The following GPC3 variants were observed in gnomAD, a reference collection of about 807,000 sequenced individuals.
GPC3 encodes the protein glypican 3.
Under a neutral mutation model 34.4 loss-of-function variants are expected in GPC3, and 3 were observed. That is an observed-to-expected ratio of 0.09 (90% CI 0.04 to 0.23). The LOEUF is 0.23. Ranked by LOEUF, GPC3 falls within the 10% of genes least tolerant of loss-of-function variation. GPC3 has a pLI of 1.00. For missense variants in GPC3, 351 were observed against 445.6 expected, an observed-to-expected ratio of 0.79 and a Z score of 1.91; for synonymous variants, 177 against 174.0, an observed-to-expected ratio of 1.02 and a Z score of -0.13.
chrX:133,622,038 C>T (rs550844985), intron 6 of GPC3, among the ~76,000 whole-genome samples: 1 of 112,152 alleles, frequency 8.9e-6, no homozygotes, highest in East Asian at 2.8e-4. Flanking sequence ...CCCAGGCAAA[C>T]AGGGTCTGGA....
At chrX:133,854,434 G>A (rs1402565520) in intron 2 of GPC3, among the ~76,000 whole-genome samples, 1 of 111,747 alleles carries the variant, frequency 8.9e-6, no homozygotes, top group Non-Finnish European at 1.9e-5. Flanking sequence ...CAATAGGCTG[G>A]GGGTTATGGG....
In GPC3 at chrX:133,560,176, C is replaced by T. The variant is rs772403379; in HGVS notation, c.1574-23883G>A. ...TATTCTGTGTATCAGAGCATAGGCA[C>T]GGTGGGGTGTAGCTGCTCTTCAAAT... On this transcript the variant is annotated intron_variant, in intron 7 of 7. Coordinates refer to ENST00000370818, the MANE Select transcript of GPC3 (RefSeq NM_004484.4). Among the ~76,000 whole-genome samples, 41 of 111,616 alleles carry T rather than the reference C, an allele frequency of 3.7e-4. No homozygotes were observed. In the South Asian group the frequency reaches 5.3e-3, roughly 14 times the overall value.
chrX:133,720,396 T>C (rs2071352242), intron 3 of GPC3, among the ~76,000 whole-genome samples: 1 of 111,755 alleles, frequency 8.9e-6, no homozygotes, highest in African/African-American at 3.3e-5. Context: ...TCCCATGCTG[T>C]TCTCCTGATA....
chrX:133,716,454 T>A (rs1251864602), intron 3 of GPC3, among the ~76,000 whole-genome samples: 3 of 111,943 alleles, frequency 2.7e-5, no homozygotes, highest in Non-Finnish European at 3.8e-5. Flanking sequence ...GATGCCTTGA[T>A]AGGCAAAAAG....
intron 2 of GPC3, among the ~76,000 whole-genome samples, chrX:133,837,170 A>C (rs1200019799): frequency 9.0e-6 from 1 of 111,691 alleles, no homozygotes; most frequent in Non-Finnish European, 1.9e-5. Context: ...GTGAGTGAGC[A>C]GACATCATGT....
intron 2 of GPC3, among the ~76,000 whole-genome samples, chrX:133,870,029 A>G (rs1009284060): frequency 8.0e-5 from 9 of 112,246 alleles, no homozygotes; most frequent in East Asian, 2.8e-4. Flanking sequence ...TATGGCTTCA[A>G]TGAATTCTCA....
chrX:133,960,278 G>A (rs2076436125), intron 1 of GPC3, among the ~76,000 whole-genome samples: 2 of 109,913 alleles, frequency 1.8e-5, no homozygotes, highest in African/African-American at 6.6e-5. Context: ...TGACTCCTAG[G>A]CAGTAATGGA....
intron 1 of GPC3, among the ~76,000 whole-genome samples, chrX:133,965,471 G>A (rs2076459466): frequency 9.0e-6 from 1 of 110,982 alleles, no homozygotes; most frequent in Admixed American, 9.6e-5. Context: ...TGAGGATGGA[G>A]GCAGAGATTG....
chrX:133,700,616 C>T (rs893316988), intron 3 of GPC3, among the ~76,000 whole-genome samples: 1 of 111,589 alleles, frequency 9.0e-6, no homozygotes, highest in Non-Finnish European at 1.9e-5. Context: ...GCAGCTCACA[C>T]CTGTAATTCC....
intron 2 of GPC3, among the ~76,000 whole-genome samples, chrX:133,939,487 T>C (rs2076335892): frequency 8.9e-6 from 1 of 111,786 alleles, no homozygotes; most frequent in East Asian, 2.8e-4. Flanking sequence ...GACCCACATG[T>C]TCCTCTAACA....
At chrX:133,603,605 C>T (rs776986998) in intron 6 of GPC3, among the ~76,000 whole-genome samples, 6 of 111,513 alleles carry the variant, frequency 5.4e-5, no homozygotes, top group Non-Finnish European at 1.1e-4. Flanking sequence ...TTTGTAGTTA[C>T]GGAAAATACC....
At chrX:133,556,903 C>T (rs1336887597) in intron 7 of GPC3, among the ~76,000 whole-genome samples, 1 of 107,884 alleles carries the variant, frequency 9.3e-6, no homozygotes, top group East Asian at 2.9e-4. Flanking sequence ...CACATGTACC[C>T]TAGAACTTAA....
chrX:133,931,467 G>A (rs769778932), intron 2 of GPC3, among the ~76,000 whole-genome samples: 1 of 111,188 alleles, frequency 9.0e-6, no homozygotes, highest in Admixed American at 9.5e-5. Context: ...AACAGGACTT[G>A]GTGACCACTG....
chrX:133,885,491 A>G (rs2076058081), intron 2 of GPC3, among the ~76,000 whole-genome samples: 2 of 111,679 alleles, frequency 1.8e-5, no homozygotes, highest in African/African-American at 3.3e-5. Flanking sequence ...TTGTATTACC[A>G]ATAGAATCCA....
At chrX:133,947,208 T>C (rs913615055) in intron 2 of GPC3, among the ~76,000 whole-genome samples, 1 of 111,055 alleles carries the variant, frequency 9.0e-6, no homozygotes, top group African/African-American at 3.3e-5. Flanking sequence ...ACAATGTCCT[T>C]TAATGTGCTT....
chrX:133,875,043 C>T (rs1055573535), intron 2 of GPC3, among the ~76,000 whole-genome samples: 3 of 112,238 alleles, frequency 2.7e-5, no homozygotes, highest in Non-Finnish European at 5.6e-5. Context: ...AGGGCTCATA[C>T]ATGAGATCAT....
intron 6 of GPC3, among the ~76,000 whole-genome samples, chrX:133,660,094 G>A (rs1309013453): frequency 1.8e-5 from 2 of 111,987 alleles, no homozygotes; most frequent in East Asian, 2.8e-4. Context: ...AGTGCTCACT[G>A]AGTACAGAGC....
At chrX:133,750,159 T>C (rs1018079583) in intron 3 of GPC3, among the ~76,000 whole-genome samples, 1 of 112,182 alleles carries the variant, frequency 8.9e-6, no homozygotes, top group Admixed American at 9.4e-5. Flanking sequence ...CCTGCATCAC[T>C]GAGCACCTCT....
At chrX:133,799,544 T>G (rs1287658617) in intron 2 of GPC3, among the ~76,000 whole-genome samples, 2 of 111,784 alleles carry the variant, frequency 1.8e-5, no homozygotes, top group Non-Finnish European at 3.8e-5. Flanking sequence ...ATATTCATCT[T>G]TCTAAATCTA....
Sources: gnomAD v4.1 joint callset for allele counts (sites outside exome capture counted in the v4.1 genomes callset) on GRCh38, gnomAD v4.1.1 for gene constraint, MANE v1.5 for transcripts, NCBI Gene and HGNC (gene_info 2026-07-23, HGNC 2026-07-21) for gene names.